TNS1: variants seen among roughly 807,000 people sequenced by gnomAD.
The protein encoded by TNS1 is tensin 1.
Under a neutral mutation model 168.6 loss-of-function variants are expected in TNS1, and 62 were observed. The ratio of observed to expected loss-of-function variants is 0.37; its 90% confidence interval spans 0.30 to 0.45. The LOEUF (loss-of-function observed/expected upper bound fraction) is 0.45. TNS1 is among the 20% of genes least tolerant of loss of function. TNS1 has a pLI of 1.00. For synonymous variants in TNS1, 934 were observed against 933.2 expected (o/e 1.00, Z -0.02); for missense variants, 2,240 against 2,339.4 (o/e 0.96, Z 0.88).
intron 22 of TNS1, among the ~76,000 whole-genome samples, chr2:217,829,246 G>A (rs1283698465): frequency 1.3e-5 from 2 of 151,928 alleles, no homozygotes; most frequent in Non-Finnish European, 2.9e-5. Context: ...ATTGCTGGGC[G>A]TGGTGGTGCA....
chr2:217,809,746 A>T, intron 30 of TNS1, 77 bp downstream of exon 30: 1 of 1,455,354 alleles, frequency 6.9e-7, no homozygotes, highest in Non-Finnish European at 9.5e-7. Flanking sequence ...ATCAAGTGGT[A>T]AATGTGTGGG....
chr2:217,822,011 C>A (rs1464398557), intron 22 of TNS1, 73 bp from the exon 23 acceptor site: 2 of 1,424,994 alleles, frequency 1.4e-6, no homozygotes, highest in Non-Finnish European at 1.9e-6. Context: ...CCCCAACCTC[C>A]CCTGGAACAC....
intron 32 of TNS1, among the ~76,000 whole-genome samples, chr2:217,805,699 C>CACCATCA (rs1299269615): frequency 3.4e-5 from 4 of 119,096 alleles, no homozygotes; most frequent in Non-Finnish European, 5.3e-5. Context: ...ACACACATCA[C>CACCATCA]CACATGCATA....
chr2:217,893,329 G>C, intron 10 of TNS1, 110 bp downstream of exon 10: 1 of 1,450,268 alleles, frequency 6.9e-7, no homozygotes. Context: ...AAAATCCAAA[G>C]ATATAGGCAG....
At position 217,947,028 on chromosome 2, in the gene TNS1, C is replaced by T. The variant is rs368886958; in HGVS notation, c.187-26792G>A. ...CTGCTCTCTGAACAAGTCTGCTCAG[C>T]CCCCTGGCTCCCTCCTCCCAACTCT... On this transcript the variant is annotated intron_variant, in intron 3 of 32. Transcript: ENST00000682258. 6.6e-5 allele frequency among the ~76,000 whole-genome samples: 10 copies of T among 151,064 alleles called. No homozygotes were observed. The South Asian group carries it at 1.3e-3, about 19-fold the overall frequency.
In TNS1 at chr2:217,847,499, A is replaced by G; in HGVS notation, c.3007+11T>C. 1 of 1,441,982 alleles carries G rather than the reference A, an allele frequency of 6.9e-7. No homozygotes were observed. Among genetic ancestry groups the G allele is most frequent in the African/African-American group, 1.4e-5 (1 of 71,092 alleles). The allele number at this position is 1,441,982 out of a possible 1,614,324, so 89.3% of individuals were successfully genotyped here. ...AAGGGGTAGAAGGAGTCAGGACTGAATACCTCTTACCTGCTACCCTGTGGG... is the reference window on the plus strand; with the variant it reads ...AAGGGGTAGAAGGAGTCAGGACTGAGTACCTCTTACCTGCTACCCTGTGGG... On this transcript the variant is annotated intron_variant, in intron 19 of 32. Transcript: ENST00000682258.
chr2:217,893,363 C>A (rs1021539917), intron 10 of TNS1, 76 bp downstream of exon 10: 2 of 1,503,688 alleles, frequency 1.3e-6, no homozygotes, highest in East Asian at 4.7e-5. Context: ...TCCAAGGACA[C>A]ATTCAGGCAC....
At chr2:217,837,683 A>G (rs1322877941) in intron 19 of TNS1, among the ~76,000 whole-genome samples, 1 of 152,256 alleles carries the variant, frequency 6.6e-6, no homozygotes, top group Non-Finnish European at 1.5e-5. Flanking sequence ...AATAGCGCCC[A>G]GGATGGGGAC....
chr2:217,816,662 T>A (rs1291966386), intron 24 of TNS1, among the ~76,000 whole-genome samples: 2 of 152,148 alleles, frequency 1.3e-5, no homozygotes, highest in African/African-American at 4.8e-5. Context: ...CAAAGGCTAT[T>A]TTAAGCAGGG....
At chr2:218,021,050 G>C (rs1299687195) in intron 1 of TNS1, among the ~76,000 whole-genome samples, 1 of 152,254 alleles carries the variant, frequency 6.6e-6, no homozygotes, top group Non-Finnish European at 1.5e-5. Context: ...CCTTGGAACT[G>C]TTAAAGCCCA....
rs767669029 is a variant in TNS1, at chr2:218,002,943, C to A, written c.-71G>T. On this transcript the variant is annotated 5_prime_UTR_variant, in exon 1 of 33. Coordinates refer to ENST00000682258, the MANE Select transcript of TNS1 (RefSeq NM_001387777.1). ...GCCCCTGAAGCTAGAGTCCCCGCGG[C>A]GCTGGCAGAAGGGCTCTCTGAGTCC... 73 of 456,226 alleles carry A rather than the reference C, an allele frequency of 1.6e-4. No homozygotes were observed. Among genetic ancestry groups the A allele is most frequent in the Non-Finnish European group, 2.6e-4 (60 of 226,904 alleles). The allele number at this position is 456,226 out of a possible 1,614,324, so 28.3% of individuals were successfully genotyped here.
intron 3 of TNS1, among the ~76,000 whole-genome samples, chr2:217,928,176 G>A (rs914470784): frequency 2.0e-5 from 3 of 152,242 alleles, no homozygotes; most frequent in Admixed American, 6.5e-5. Flanking sequence ...GAATGCCAAG[G>A]CCATGGAGGG....
intron 3 of TNS1, among the ~76,000 whole-genome samples, chr2:217,930,283 G>A (rs371135159): frequency 1.3e-3 from 201 of 152,342 alleles, no homozygotes; most frequent in Non-Finnish European, 1.7e-3. Context: ...AAGTTCTGCC[G>A]CGGCTGTGTC....
intron 17 of TNS1, 82 bp downstream of exon 17, chr2:217,882,264 C>CGTCT: frequency 1.0e-6 from 1 of 979,538 alleles, no homozygotes; most frequent in Non-Finnish European, 1.6e-6. Flanking sequence ...CACTGTGGAA[C>CGTCT]AGACCAGGGG....
chr2:217,821,476 C>T (rs1450535140), intron 23 of TNS1, among the ~76,000 whole-genome samples: 3 of 152,164 alleles, frequency 2.0e-5, no homozygotes, highest in Admixed American at 1.3e-4. Context: ...CACCGTGGTA[C>T]CCTTCACTCC....
chr2:217,891,067 C>T, intron 11 of TNS1, 22 bp from the exon 12 acceptor site: 1 of 1,613,424 alleles, frequency 6.2e-7, no homozygotes. Flanking sequence ...GACAGGTGGT[C>T]AAAAGAGGCA....
At chr2:217,914,263 G>A (rs1228131835) in intron 4 of TNS1, among the ~76,000 whole-genome samples, 2 of 152,176 alleles carry the variant, frequency 1.3e-5, no homozygotes, top group Non-Finnish European at 2.9e-5. Context: ...TGAACAGAGG[G>A]TTCCCTGAGG....
chr2:217,910,247 C>T (rs955631515), intron 4 of TNS1, among the ~76,000 whole-genome samples: 1 of 152,128 alleles, frequency 6.6e-6, no homozygotes, highest in African/African-American at 2.4e-5. Flanking sequence ...AGCTGGAGGC[C>T]GGCCACAGGG....
intron 32 of TNS1, among the ~76,000 whole-genome samples, chr2:217,805,684 C>A (rs1227043990): frequency 7.9e-5 from 8 of 101,348 alleles, no homozygotes; most frequent in East Asian, 6.0e-4. Context: ...CACATACACA[C>A]CATCACACAC....
Sources: allele counts gnomAD v4.1 joint callset (sites outside exome capture counted in the v4.1 genomes callset), GRCh38; gene constraint gnomAD v4.1.1; transcripts MANE v1.5; gene names NCBI Gene and HGNC (gene_info 2026-07-23, HGNC 2026-07-21).